FRK: variants seen among roughly 807,000 people sequenced by gnomAD.
The protein encoded by FRK is tyrosine-protein kinase FRK.
A neutral mutation model predicts 56.4 loss-of-function variants in FRK; 51 were observed. That is an observed-to-expected ratio of 0.90 (90% CI 0.72 to 1.14). The LOEUF is 1.14. Ranked by LOEUF, FRK falls within the 50% of genes most tolerant of loss-of-function variation. The pLI, the probability that FRK is intolerant of heterozygous loss-of-function variation, is 0.00. For missense variants in FRK, 570 were observed against 601.4 expected (o/e 0.95, Z 0.55); for synonymous variants, 245 against 217.9 (o/e 1.12, Z -1.10).
chr6:115,936,386 C>G lies in FRK; in HGVS notation c.*6028G>C, dbSNP rs1672945024. The G allele has an allele frequency of 6.6e-6, 1 of 152,166 alleles. No individual in the cohort carries two copies. The highest frequency in any genetic ancestry group is 2.4e-5 in the African/African-American group (1 of 41,436). 9.4% of individuals were successfully genotyped at this position (152,166 alleles called of 1,614,324 possible). On this transcript the variant is annotated 3_prime_UTR_variant, in exon 8 of 8. Transcript: ENST00000606080. ...ATGAGGAGAAACCAGCGCAAAACAG[C>G]TGAAAATTCAAAAAAACAGAATGCC...
At chr6:116,006,493 G>A (rs547930855) in intron 1 of FRK, among the ~76,000 whole-genome samples, 5 of 152,146 alleles carry the variant, frequency 3.3e-5, no homozygotes, top group Non-Finnish European at 7.3e-5. Flanking sequence ...GAATATTTGT[G>A]TACTACTCAA....
chr6:116,001,574 T>C (rs544981105), intron 2 of FRK, among the ~76,000 whole-genome samples: 1 of 152,282 alleles, frequency 6.6e-6, no homozygotes, highest in South Asian at 2.1e-4. Context: ...TGGCCAATCA[T>C]GACTCAGCTG....
At chr6:115,975,282 T>G (rs1338355906) in intron 2 of FRK, among the ~76,000 whole-genome samples, 1 of 152,120 alleles carries the variant, frequency 6.6e-6, no homozygotes, top group Non-Finnish European at 1.5e-5. Flanking sequence ...CATTTATATA[T>G]GGTTCCTTCA....
chr6:116,041,426 A>T (rs1395150044), intron 1 of FRK, among the ~76,000 whole-genome samples: 1 of 152,160 alleles, frequency 6.6e-6, no homozygotes, highest in Non-Finnish European at 1.5e-5. Flanking sequence ...TGTATAAAAG[A>T]TTCCTTGAAG....
Position 115,942,503 on chromosome 6 carries a change from G to A in FRK, c.1429C>T (p.Arg477Ter), listed in dbSNP as rs779092947. 7.4e-6 allele frequency: 12 copies of A among 1,613,582 alleles called. No homozygotes were observed. The highest frequency in any genetic ancestry group is 6.7e-5 in the East Asian group (3 of 44,884). ...CAACGCAGTGTCTCAAATGTAGGTC[G>A]TTCCTTAGGCTCTGCATTCCAGCAC... The part of the protein sequence containing the change: ...LECWNAEPKE[R>*]PTFETLRWKL... Residue 477 changes from arginine (R) to a stop codon, truncating the protein, a stop_gained, in exon 8 of 8, where the codon CGA becomes TGA. Coordinates refer to ENST00000606080, the MANE Select transcript of FRK (RefSeq NM_002031.3). LOFTEE classifies it high-confidence loss of function.
the FRK span, among the ~76,000 whole-genome samples, chr6:116,073,362 T>A: frequency 6.6e-6 from 1 of 152,192 alleles, no homozygotes; most frequent in Non-Finnish European, 1.5e-5. Context: ...GAGAAATATT[T>A]ATTTTCTTAA....
At chr6:116,004,148 T>G in intron 1 of FRK, 150 bp from the exon 2 acceptor site, 1 of 681,166 alleles carries the variant, frequency 1.5e-6, no homozygotes, top group South Asian at 2.0e-5. Flanking sequence ...TTCTGACACT[T>G]GAGATGATTT....
At position 115,951,484 on chromosome 6, in the gene FRK, AC is replaced by A. The variant is rs550351911; in HGVS notation, c.958+4967del. On this transcript the variant is annotated intron_variant, in intron 5 of 7. Transcript: ENST00000606080. Reference sequence around the variant, plus strand: ...ATTTACTGGGGGAAAAACAAGCCAAACTAAACTTTTTAAAAATGGAGATATT... The same window carrying A: ...ATTTACTGGGGGAAAAACAAGCCAAATAAACTTTTTAAAAATGGAGATATT... 2.8e-3 allele frequency among the ~76,000 whole-genome samples: 430 copies of A among 152,288 alleles called. 4 individuals are homozygous for A. The highest frequency in any genetic ancestry group is 9.9e-3 in the African/African-American group (413 of 41,562).
intron 2 of FRK, among the ~76,000 whole-genome samples, chr6:115,980,654 G>A (rs899035697): frequency 6.6e-6 from 1 of 152,036 alleles, no homozygotes; most frequent in Non-Finnish European, 1.5e-5. Context: ...AGCTTTTTTA[G>A]AAAAGCAGTA....
Position 115,940,616 on chromosome 6 carries a change from C to T in FRK, c.*1798G>A, listed in dbSNP as rs1410386371. 1 of 151,988 alleles carries T rather than the reference C, an allele frequency of 6.6e-6. No individual in the cohort carries two copies. Among genetic ancestry groups the T allele is most frequent in the East Asian group, 1.9e-4 (1 of 5,178 alleles). The allele number at this position is 151,988 out of a possible 1,614,324, so 9.4% of individuals were successfully genotyped here. On this transcript the variant is annotated 3_prime_UTR_variant, in exon 8 of 8. Transcript: ENST00000606080. ...GCTAATACCAAGAATCTACAAGGAACATAAACAAATTTAAAAGAAAAAAAC... is the reference window on the plus strand; with the variant it reads ...GCTAATACCAAGAATCTACAAGGAATATAAACAAATTTAAAAGAAAAAAAC...
chr6:115,981,648 A>G lies in FRK; in HGVS notation c.467-12909T>C, dbSNP rs77928521. On this transcript the variant is annotated intron_variant, in intron 2 of 7. Transcript: ENST00000606080. ...CTCTTTTTCCCCACCCAATTTCAGC[A>G]ATTAGTAGACATGTTGAACAGGGTA... Among the ~76,000 whole-genome samples, 53 of 152,250 alleles carry G rather than the reference A, an allele frequency of 3.5e-4. No individual in the cohort carries two copies. In the East Asian group the frequency reaches 0.01, roughly 29 times the overall value.
intron 1 of FRK, among the ~76,000 whole-genome samples, chr6:116,014,206 A>G (rs1358244345): frequency 6.6e-6 from 1 of 152,222 alleles, no homozygotes; most frequent in Non-Finnish European, 1.5e-5. Context: ...TAGAAACATT[A>G]ATTTTATACT....
At chr6:116,095,147 A>G in the FRK span, among the ~76,000 whole-genome samples, 5 of 152,230 alleles carry the variant, frequency 3.3e-5, no homozygotes, top group African/African-American at 1.2e-4. Context: ...AATCTTAATT[A>G]ATTACCATCC....
chr6:115,982,345 T>C (rs1449970588), intron 2 of FRK, among the ~76,000 whole-genome samples: 1 of 152,146 alleles, frequency 6.6e-6, no homozygotes, highest in Non-Finnish European at 1.5e-5. Flanking sequence ...GTTTCTACTT[T>C]GTAGATGGCA....
At chr6:115,997,206 A>G (rs1774873910) in intron 2 of FRK, among the ~76,000 whole-genome samples, 1 of 152,162 alleles carries the variant, frequency 6.6e-6, no homozygotes, top group South Asian at 2.1e-4. Flanking sequence ...ATCATAGTCA[A>G]TTACTTTGAA....
At chr6:115,986,227 G>A (rs1472799535) in intron 2 of FRK, among the ~76,000 whole-genome samples, 4 of 152,036 alleles carry the variant, frequency 2.6e-5, no homozygotes, top group Non-Finnish European at 4.4e-5. Flanking sequence ...CTTCACAGAA[G>A]CTTTAAATAA....
chr6:116,011,240 C>A (rs1443371957), intron 1 of FRK, among the ~76,000 whole-genome samples: 2 of 152,148 alleles, frequency 1.3e-5, no homozygotes, highest in Non-Finnish European at 2.9e-5. Context: ...TCTTATTGTG[C>A]CTCACTGACG....
At chr6:116,092,196 G>T in the FRK span, among the ~76,000 whole-genome samples, 8 of 152,178 alleles carry the variant, frequency 5.3e-5, no homozygotes, top group Non-Finnish European at 1.0e-4. Context: ...GTCGGGTGGG[G>T]ACTATCTGGA....
At chr6:115,996,621 T>TA (rs1308264684) in intron 2 of FRK, among the ~76,000 whole-genome samples, 1 of 152,176 alleles carries the variant, frequency 6.6e-6, no homozygotes, top group East Asian at 1.9e-4. Flanking sequence ...TTCTAAGGTT[T>TA]AAGGCAGTGA....
Sources: gnomAD v4.1 joint callset for allele counts (sites outside exome capture counted in the v4.1 genomes callset) on GRCh38, gnomAD v4.1.1 for gene constraint, MANE v1.5 for transcripts, NCBI Gene and HGNC (gene_info 2026-07-23, HGNC 2026-07-21) for gene names.